Variants in TAF3 observed in about 807,000 individuals in gnomAD.
TAF3 encodes the protein transcription initiation factor TFIID subunit 3.
TAF3 carries 7 observed loss-of-function variants against 80.6 expected under a neutral mutation model. The ratio of observed to expected loss-of-function variants is 0.09; its 90% confidence interval spans 0.05 to 0.16. TAF3 has a LOEUF of 0.16. Ranked by LOEUF, TAF3 falls within the 10% of genes least tolerant of loss-of-function variation. The pLI is 1.00. For missense variants in TAF3, 921 were observed against 1,140.2 expected (o/e 0.81, Z 2.77); for synonymous variants, 444 against 446.1 (o/e 1.00, Z 0.06).
chr10:8,013,031 G>A (rs1832069351), intron 5 of TAF3, among the ~76,000 whole-genome samples: 1 of 152,184 alleles, frequency 6.6e-6, no homozygotes, highest in South Asian at 2.1e-4. Context: ...CTTTAGAACT[G>A]CTAAGTTAAA....
Position 7,824,547 on chromosome 10 carries a change from G to A in TAF3, c.396G>A (p.Val132=). The change falls in exon 2 of 7, where the codon GTG becomes GTA. Residue 132 remains valine (V), a synonymous_variant. Coordinates refer to ENST00000344293, the MANE Select transcript of TAF3 (RefSeq NM_031923.4). Reference sequence around the variant, plus strand: ...TTCCTGATTACCTGCCACCCATTGTGTCTTCTCAAGAAGGTTTGTGAGTGT... The same window carrying A: ...TTCCTGATTACCTGCCACCCATTGTATCTTCTCAAGAAGGTTTGTGAGTGT... ...EYIPDYLPPI[V]SSQEEEEEEQ... is the part of the protein sequence containing the mutation. 4 of 1,613,992 alleles carry A rather than the reference G, an allele frequency of 2.5e-6. No homozygotes were observed. Among genetic ancestry groups the A allele is most frequent in the Non-Finnish European group, 3.4e-6 (4 of 1,179,928 alleles).
intron 3 of TAF3, among the ~76,000 whole-genome samples, chr10:7,976,349 C>A (rs1331308291): frequency 2.6e-5 from 4 of 151,368 alleles, no homozygotes; most frequent in African/African-American, 9.7e-5. Flanking sequence ...TGAGTTCAAG[C>A]GATTCTCCTG....
At chr10:7,824,596 A>C (rs1354888342) in intron 2 of TAF3, 36 bp downstream of exon 2, 1 of 1,595,254 alleles carries the variant, frequency 6.3e-7, no homozygotes, top group Non-Finnish European at 8.6e-7. Context: ...GTTAGTGATT[A>C]TTTTAATGGA....
intron 2 of TAF3, among the ~76,000 whole-genome samples, chr10:7,920,322 G>A (rs1837751461): frequency 3.0e-5 from 1 of 33,898 alleles, no homozygotes; most frequent in African/African-American, 5.7e-5. Context: ...GTGTGTGTGT[G>A]TGTGTGTGTA....
chr10:7,882,735 G>T (rs1051522600), intron 2 of TAF3, among the ~76,000 whole-genome samples: 1 of 152,160 alleles, frequency 6.6e-6, no homozygotes, highest in Non-Finnish European at 1.5e-5. Flanking sequence ...CTTGATGAGG[G>T]TTTTGTAGAA....
chr10:8,013,666 C>A, intron 5 of TAF3, 65 bp from the exon 6 acceptor site: 1 of 1,289,920 alleles, frequency 7.8e-7, no homozygotes, highest in Non-Finnish European at 1.1e-6. Context: ...TCATTCTGAT[C>A]TGGCCTCTTT....
rs187210383 is a variant in TAF3, at chr10:7,839,090, A to G, written c.409+14530A>G. ...GTGATCGGACTCCTGCCCACTTGAC[A>G]TGTTAGTTACTTGCCCCTCGTTGCT... is the stretch of plus-strand genomic sequence containing the variant. On this transcript the variant is annotated intron_variant, in intron 2 of 6. Coordinates refer to ENST00000344293, the MANE Select transcript of TAF3 (RefSeq NM_031923.4). Among the ~76,000 whole-genome samples, 329 of 151,912 alleles carry G rather than the reference A, an allele frequency of 2.2e-3. 3 individuals are homozygous for G. The highest frequency in any genetic ancestry group is 1.8e-3 in the Non-Finnish European group (124 of 67,948).
In TAF3 at chr10:7,983,844, C is replaced by CAATAAATAAATAAATA. The variant is rs113211341; in HGVS notation, c.2315+6533_2315+6548dup. Among the ~76,000 whole-genome samples, 125 of 150,702 alleles carry CAATAAATAAATAAATA rather than the reference C, an allele frequency of 8.3e-4. 1 individual carries two copies. Among genetic ancestry groups the CAATAAATAAATAAATA allele is most frequent in the African/African-American group, 2.4e-3 (98 of 40,894 alleles). On this transcript the variant is annotated intron_variant, in intron 4 of 6. Transcript: ENST00000344293. Reference sequence around the variant, plus strand: ...ACAGAGTGAGACCCTGTCTCTAAAACAATAAATAAATAAATAAATAAATAA... The same window carrying CAATAAATAAATAAATA: ...ACAGAGTGAGACCCTGTCTCTAAAACAATAAATAAATAAATAAATAAATAAATAAATAAATAAATAA...
intron 4 of TAF3, among the ~76,000 whole-genome samples, chr10:7,996,409 C>G (rs1831887871): frequency 6.6e-6 from 1 of 152,188 alleles, no homozygotes; most frequent in Non-Finnish European, 1.5e-5. Flanking sequence ...TCACCATGTG[C>G]TGCCAGCCAT....
intron 2 of TAF3, among the ~76,000 whole-genome samples, chr10:7,858,038 G>A (rs1376817352): frequency 6.6e-6 from 1 of 151,826 alleles, no homozygotes; most frequent in Non-Finnish European, 1.5e-5. Flanking sequence ...TTACAAAGAG[G>A]TTTGAACGGC....
chr10:8,000,566 A>C (rs1308401252), intron 4 of TAF3, among the ~76,000 whole-genome samples: 2 of 152,150 alleles, frequency 1.3e-5, no homozygotes, highest in Non-Finnish European at 2.9e-5. Flanking sequence ...CAGGAGTTCC[A>C]GACCAGCCTG....
At chr10:7,958,383 G>C (rs1838157119) in intron 2 of TAF3, among the ~76,000 whole-genome samples, 1 of 151,820 alleles carries the variant, frequency 6.6e-6, no homozygotes. Flanking sequence ...TTTTTACCAG[G>C]AGAATGGATT....
At chr10:7,975,434 G>C (rs1242498436) in intron 3 of TAF3, among the ~76,000 whole-genome samples, 2 of 152,174 alleles carry the variant, frequency 1.3e-5, no homozygotes, top group Non-Finnish European at 2.9e-5. Flanking sequence ...TAAGCAAAAC[G>C]CGCATGGTCC....
intron 2 of TAF3, among the ~76,000 whole-genome samples, chr10:7,961,276 T>C (rs1838187203): frequency 6.6e-6 from 1 of 152,200 alleles, no homozygotes; most frequent in Admixed American, 6.5e-5. Context: ...TGGGACCTGG[T>C]GGGTGATGCC....
At chr10:7,839,772 G>A (rs1447584203) in intron 2 of TAF3, among the ~76,000 whole-genome samples, 1 of 151,880 alleles carries the variant, frequency 6.6e-6, no homozygotes, top group Non-Finnish European at 1.5e-5. Context: ...TTATCCTCAG[G>A]AATGATTTTT....
intron 2 of TAF3, among the ~76,000 whole-genome samples, chr10:7,935,819 T>C (rs372103304): frequency 1.3e-5 from 2 of 152,022 alleles, no homozygotes; most frequent in Admixed American, 1.3e-4. Flanking sequence ...AGGAGAAAAG[T>C]GCAACTGGAC....
At chr10:7,908,420 C>T (rs542793680) in intron 2 of TAF3, among the ~76,000 whole-genome samples, 3 of 152,192 alleles carry the variant, frequency 2.0e-5, no homozygotes, top group Admixed American at 1.3e-4. Flanking sequence ...TAAGCATTGG[C>T]AACTTTAAAT....
chr10:7,908,287 A>G (rs1049616580), intron 2 of TAF3, among the ~76,000 whole-genome samples: 12 of 152,180 alleles, frequency 7.9e-5, no homozygotes, highest in Admixed American at 5.2e-4. Flanking sequence ...CCTGAAGGCC[A>G]TGGCTACTGC....
At chr10:8,006,166 C>G (rs1393375769) in intron 4 of TAF3, among the ~76,000 whole-genome samples, 1 of 141,370 alleles carries the variant, frequency 7.1e-6, no homozygotes, top group African/African-American at 2.7e-5. Flanking sequence ...CCCGTCTCTA[C>G]TGAAAAAAAA....
Sources: gnomAD v4.1 joint callset for allele counts (sites outside exome capture counted in the v4.1 genomes callset) on GRCh38, gnomAD v4.1.1 for gene constraint, MANE v1.5 for transcripts, NCBI Gene and HGNC (gene_info 2026-07-23, HGNC 2026-07-21) for gene names.